Variants in KIF13B observed in about 807,000 individuals in gnomAD.
The protein encoded by KIF13B is kinesin family member 13B.
Under a neutral mutation model 222.0 loss-of-function variants are expected in KIF13B, and 127 were observed. That is an observed-to-expected ratio of 0.57 (90% CI 0.50 to 0.66). The LOEUF is 0.66. Ranked by LOEUF, KIF13B falls within the 30% of genes least tolerant of loss-of-function variation. KIF13B has a pLI of 0.00. For missense variants in KIF13B, 2,173 were observed against 2,379.0 expected, an observed-to-expected ratio of 0.91 and a Z score of 1.80; for synonymous variants, 976 against 919.0, an observed-to-expected ratio of 1.06 and a Z score of -1.12.
At chr8:29,242,311 T>C (rs1020264875) in intron 2 of KIF13B, among the ~76,000 whole-genome samples, 1 of 152,164 alleles carries the variant, frequency 6.6e-6, no homozygotes, top group Non-Finnish European at 1.5e-5. Flanking sequence ...TTGCCTACCA[T>C]GGTGACAGGC....
intron 18 of KIF13B, among the ~76,000 whole-genome samples, chr8:29,144,784 C>T (rs967222677): frequency 6.6e-6 from 1 of 152,138 alleles, no homozygotes; most frequent in Admixed American, 6.5e-5. Flanking sequence ...ACAGAATGGA[C>T]AGGACTTTAA....
rs916728768 is a variant in KIF13B at position 29,072,072 on chromosome 8, G to C, written c.4766C>G (p.Ala1589Gly). The change falls in exon 39 of 40, where the codon GCG (alanine) becomes GGG (glycine). Residue 1589 changes from alanine to glycine, a missense_variant. Around this residue, in one of 2 missense-constraint regions of KIF13B, gnomAD observed 693 missense variants for 656.2 expected, o/e 1.06. Transcript: ENST00000524189. Reference sequence around the variant, plus strand: ...GGTGGGCATGGACCCCGGCGGGGCCGCAGCGTCCAGGCCGGGGCCCAGGGC... The same window carrying C: ...GGTGGGCATGGACCCCGGCGGGGCCCCAGCGTCCAGGCCGGGGCCCAGGGC... ...SDALGPGLDA[A>G]APPGSMPTAP... The C allele has an allele frequency of 3.8e-6, 5 of 1,316,082 alleles. No homozygotes were observed. Among genetic ancestry groups the C allele is most frequent in the Non-Finnish European group, 4.8e-6 (5 of 1,031,402 alleles). 81.5% of individuals were successfully genotyped at this position (1,316,082 alleles called of 1,614,324 possible). A position where few individuals can be genotyped will look rare whatever the true frequency, so the allele number is the denominator to read the frequency against.
intron 2 of KIF13B, among the ~76,000 whole-genome samples, chr8:29,239,893 C>T (rs1815686687): frequency 6.6e-6 from 1 of 151,966 alleles, no homozygotes; most frequent in Non-Finnish European, 1.5e-5. Flanking sequence ...GAACTCCTGA[C>T]CTCAAGTGAT....
intron 37 of KIF13B, among the ~76,000 whole-genome samples, chr8:29,076,835 TGTG>T (rs1278593747): frequency 6.6e-6 from 1 of 152,102 alleles, no homozygotes; most frequent in Non-Finnish European, 1.5e-5. Context: ...TGGAGCCAGA[TGTG>T]GTGGTGCACA....
chr8:29,172,082 C>CT (rs35655869), intron 10 of KIF13B, among the ~76,000 whole-genome samples: 67,849 of 113,238 alleles, frequency 0.6, 22,453 homozygotes, highest in Non-Finnish European at 0.74. Context: ...ATTTTCTTTT[C>CT]TTTTTTTTTT....
chr8:29,253,969 T>C (rs1586992193), intron 1 of KIF13B, among the ~76,000 whole-genome samples: 1 of 151,958 alleles, frequency 6.6e-6, no homozygotes, highest in East Asian at 1.9e-4. Context: ...ATCAAGACAG[T>C]GTGGTACTTA....
chr8:29,193,469 T>C (rs1813279280), intron 3 of KIF13B, among the ~76,000 whole-genome samples: 1 of 152,142 alleles, frequency 6.6e-6, no homozygotes, highest in African/African-American at 2.4e-5. Flanking sequence ...TCAAACGAAG[T>C]TTCTCCTGTT....
At chr8:29,220,529 T>C (rs1814694694) in intron 2 of KIF13B, among the ~76,000 whole-genome samples, 2 of 149,872 alleles carry the variant, frequency 1.3e-5, no homozygotes, top group South Asian at 2.1e-4. Flanking sequence ...TGAATGTTTC[T>C]AAGTAAATAA....
At chr8:29,074,665 G>A (rs1252134825) in intron 38 of KIF13B, among the ~76,000 whole-genome samples, 1 of 152,246 alleles carries the variant, frequency 6.6e-6, no homozygotes, top group African/African-American at 2.4e-5. Context: ...CAGCAAATTC[G>A]TGAATGCCCA....
At chr8:29,116,612 T>C (rs926898249) in intron 31 of KIF13B, among the ~76,000 whole-genome samples, 1 of 152,196 alleles carries the variant, frequency 6.6e-6, no homozygotes, top group Non-Finnish European at 1.5e-5. Context: ...TTTGTGAATC[T>C]GCCCTAAGAA....
chr8:29,170,908 T>A (rs919125623), intron 10 of KIF13B, among the ~76,000 whole-genome samples: 1 of 152,132 alleles, frequency 6.6e-6, no homozygotes, highest in African/African-American at 2.4e-5. Flanking sequence ...TGAGACCCTG[T>A]TTATACAAAA....
intron 6 of KIF13B, among the ~76,000 whole-genome samples, chr8:29,182,293 T>C (rs1180655180): frequency 3.3e-5 from 5 of 152,242 alleles, no homozygotes; most frequent in Non-Finnish European, 7.3e-5. Flanking sequence ...CTATTTGTCT[T>C]ACAGAGAATG....
At chr8:29,153,050 C>T (rs1811369988) in intron 14 of KIF13B, among the ~76,000 whole-genome samples, 4 of 152,130 alleles carry the variant, frequency 2.6e-5, no homozygotes, top group African/African-American at 9.7e-5. Context: ...AAGTCTCCAA[C>T]GTATGCCTGT....
Position 29,186,285 on chromosome 8 carries a change from C to G in KIF13B, c.497+7G>C. On this transcript the variant is annotated splice_region_variant and intron_variant, in intron 6 of 39. Coordinates refer to ENST00000524189, the MANE Select transcript of KIF13B (RefSeq NM_015254.4). The stretch of plus-strand genomic sequence containing the variant: ...TGCTGAAACACTAAAGTCTCAAAGT[C>G]CTTTACCCTTTGGGATCAAGAAGGT... 6.2e-7 allele frequency: 1 copy of G among 1,605,430 alleles called. No individual in the cohort carries two copies.
At chr8:29,094,905 G>A (rs1267591044) in intron 36 of KIF13B, among the ~76,000 whole-genome samples, 1 of 150,610 alleles carries the variant, frequency 6.6e-6, no homozygotes, top group African/African-American at 2.4e-5. Context: ...AAATTCCCTG[G>A]ATGTGCTTAA....
At chr8:29,237,708 G>A (rs963211519) in intron 2 of KIF13B, among the ~76,000 whole-genome samples, 1 of 152,080 alleles carries the variant, frequency 6.6e-6, no homozygotes, top group South Asian at 2.1e-4. Context: ...AGACTCTGCT[G>A]GTAAAACTTT....
At chr8:29,232,491 A>T (rs1282889754) in intron 2 of KIF13B, among the ~76,000 whole-genome samples, 1 of 150,654 alleles carries the variant, frequency 6.6e-6, no homozygotes, top group Non-Finnish European at 1.5e-5. Flanking sequence ...ATAAAAACTC[A>T]GAGATCCCGA....
chr8:29,239,784 T>A (rs1006823454), intron 2 of KIF13B, among the ~76,000 whole-genome samples: 5 of 152,178 alleles, frequency 3.3e-5, no homozygotes, highest in African/African-American at 1.2e-4. Context: ...TGCCTCAGCC[T>A]CTTGAGTAGC....
At position 29,209,297 on chromosome 8, in the gene KIF13B, G is replaced by C. The variant is rs1272313174; in HGVS notation, c.150-13098C>G. 3.9e-5 allele frequency among the ~76,000 whole-genome samples: 6 copies of C among 152,168 alleles called. No individual in the cohort carries two copies. The South Asian group carries it at 8.3e-4, about 21-fold the overall frequency. On this transcript the variant is annotated intron_variant, in intron 2 of 39. Transcript: ENST00000524189. ...GAAAGAACAGGCTCATGGAGGGCGAGAAGGCTCCCTACATCTGTCTCTCCA... is the reference window on the plus strand; with the variant it reads ...GAAAGAACAGGCTCATGGAGGGCGACAAGGCTCCCTACATCTGTCTCTCCA...
Sources: gnomAD v4.1 joint callset for allele counts (sites outside exome capture counted in the v4.1 genomes callset) on GRCh38, gnomAD v4.1.1 for gene constraint, gnomAD v4.1.1 regional missense constraint, MANE v1.5 for transcripts, NCBI Gene and HGNC (gene_info 2026-07-23, HGNC 2026-07-21) for gene names.